The following COBL variants were observed in gnomAD, a reference collection of about 807,000 sequenced individuals.
COBL encodes protein cordon-bleu.
Under a neutral mutation model 98.8 loss-of-function variants are expected in COBL, and 51 were observed. The observed-to-expected ratio is 0.52, with a 90% CI of 0.41 to 0.65. The LOEUF is 0.65. COBL is among the 30% of genes least tolerant of loss of function. The pLI is 0.00. For synonymous variants in COBL, 634 were observed against 651.7 expected (o/e 0.97, Z 0.41); for missense variants, 1,617 against 1,617.5 (o/e 1.00, Z 0.01).
At chr7:51,184,262 T>TA (rs1789270423) in intron 4 of COBL, 63 bp from the exon 5 acceptor site, 7 of 886,870 alleles carry the variant, frequency 7.9e-6, no homozygotes, top group African/African-American at 1.7e-5. Flanking sequence ...ATACTTTACT[T>TA]AAAAAATCTT....
At chr7:51,065,347 C>T (rs1037138315) in intron 7 of COBL, 16 of 703,484 alleles carry the variant, frequency 2.3e-5, no homozygotes, top group Admixed American at 1.0e-4. Context: ...TAGAGAACTG[C>T]GGCCCTCACT....
chr7:51,051,721 C>A (rs1045503371), intron 7 of COBL, among the ~76,000 whole-genome samples: 15 of 152,172 alleles, frequency 9.9e-5, no homozygotes, highest in Non-Finnish European at 2.2e-4. Flanking sequence ...GGGTGCGGTG[C>A]ATGAACCAGG....
At chr7:51,274,096 A>G (rs1390358731) in intron 1 of COBL, among the ~76,000 whole-genome samples, 1 of 152,130 alleles carries the variant, frequency 6.6e-6, no homozygotes, top group African/African-American at 2.4e-5. Flanking sequence ...CCATGCCTTA[A>G]GTGAGGCCCT....
intron 5 of COBL, among the ~76,000 whole-genome samples, chr7:51,172,894 T>C (rs909700679): frequency 6.6e-6 from 1 of 152,106 alleles, no homozygotes; most frequent in Non-Finnish European, 1.5e-5. Flanking sequence ...GTTTGAGTGA[T>C]TCTCCTGCCT....
At chr7:51,090,380 A>G (rs982520068) in intron 6 of COBL, among the ~76,000 whole-genome samples, 2 of 152,238 alleles carry the variant, frequency 1.3e-5, no homozygotes, top group African/African-American at 4.8e-5. Flanking sequence ...TTTCACCTCA[A>G]CTGTGACAGC....
intron 5 of COBL, among the ~76,000 whole-genome samples, chr7:51,174,716 C>T (rs1788201466): frequency 6.6e-6 from 1 of 152,172 alleles, no homozygotes; most frequent in Non-Finnish European, 1.5e-5. Flanking sequence ...AAACCAGTGA[C>T]AATTCCTGTG....
chr7:51,150,645 C>A (rs183031517), intron 5 of COBL, among the ~76,000 whole-genome samples: 3 of 152,284 alleles, frequency 2.0e-5, no homozygotes, highest in Admixed American at 1.3e-4. Context: ...TTCTTTCAGC[C>A]TACAGCAATG....
intron 1 of COBL, among the ~76,000 whole-genome samples, chr7:51,297,781 G>A (rs935589427): frequency 6.6e-6 from 1 of 152,158 alleles, no homozygotes; most frequent in African/African-American, 2.4e-5. Context: ...CCAACCATCA[G>A]AAAGGTTTGT....
intron 6 of COBL, among the ~76,000 whole-genome samples, chr7:51,116,192 T>C (rs1273029397): frequency 6.6e-6 from 1 of 152,146 alleles, no homozygotes; most frequent in East Asian, 1.9e-4. Context: ...TTTAATGTAA[T>C]TATTGATATG....
At chr7:51,228,903 G>C (rs1320172463) in intron 1 of COBL, among the ~76,000 whole-genome samples, 3 of 151,906 alleles carry the variant, frequency 2.0e-5, no homozygotes, top group Non-Finnish European at 2.9e-5. Flanking sequence ...ATAGAAAAAG[G>C]ATATCTCCTT....
chr7:51,279,680 G>A (rs1272541743), intron 1 of COBL, among the ~76,000 whole-genome samples: 6 of 152,152 alleles, frequency 3.9e-5, no homozygotes, highest in Admixed American at 6.5e-5. Context: ...CTGTGGTGTC[G>A]CACATTCTGT....
At chr7:51,023,238 C>T (rs2240086) in intron 12 of COBL, among the ~76,000 whole-genome samples, 31,824 of 152,084 alleles carry the variant, frequency 0.21, 3,428 homozygotes, top group East Asian at 0.3. Flanking sequence ...CATAAGTACA[C>T]ACATTCATCA....
intron 4 of COBL, among the ~76,000 whole-genome samples, chr7:51,186,581 A>T (rs1251518999): frequency 2.0e-5 from 3 of 152,198 alleles, no homozygotes; most frequent in African/African-American, 7.2e-5. Context: ...CGGCTCCCTG[A>T]CGAAGGGTCC....
intron 7 of COBL, among the ~76,000 whole-genome samples, chr7:51,083,547 A>C (rs1411368366): frequency 6.6e-6 from 1 of 152,074 alleles, no homozygotes; most frequent in African/African-American, 2.4e-5. Context: ...ATTCTTCAAC[A>C]CCCTCGACAG....
At chr7:51,069,309 G>GT (rs1472625818) in intron 7 of COBL, among the ~76,000 whole-genome samples, 2 of 152,252 alleles carry the variant, frequency 1.3e-5, no homozygotes, top group African/African-American at 4.8e-5. Flanking sequence ...CAGCAACTCT[G>GT]TAAGTTTGTG....
At chr7:51,062,644 A>T (rs912789989) in intron 7 of COBL, among the ~76,000 whole-genome samples, 2 of 152,190 alleles carry the variant, frequency 1.3e-5, no homozygotes, top group African/African-American at 4.8e-5. Flanking sequence ...CATTGCATGG[A>T]AACGTGGGCG....
At chr7:51,263,310 A>G (rs548457098) in intron 1 of COBL, among the ~76,000 whole-genome samples, 107 of 152,246 alleles carry the variant, frequency 7.0e-4, no homozygotes, top group Admixed American at 3.4e-3. Context: ...GAGGTCTCAC[A>G]CTCATGCACT....
intron 7 of COBL, among the ~76,000 whole-genome samples, chr7:51,054,941 C>T (rs769804550): frequency 6.6e-5 from 10 of 152,298 alleles, no homozygotes; most frequent in Middle Eastern, 3.4e-3. Flanking sequence ...GAAGGTGGTC[C>T]GCTATCCAGG....
chr7:51,026,660 T>G lies in COBL; in HGVS notation c.3390A>C (p.Ala1130=). 6.2e-7 allele frequency: 1 copy of G among 1,613,840 alleles called. No individual in the cohort carries two copies. Among genetic ancestry groups the G allele is most frequent in the Non-Finnish European group, 8.5e-7 (1 of 1,179,884 alleles). The change falls in exon 11 of 13, where the codon GCA becomes GCC. Residue 1130 remains alanine, a synonymous_variant. Coordinates refer to ENST00000265136, the MANE Select transcript of COBL (RefSeq NM_015198.5). ...AGGKDRLRKT[A]EHTGEGRPAK... ...CTGGCCTGCCCTCCCCGGTGTGTTC[T>G]GCCGTCTAGAATATTAACAGTGTCA...
Sources: gnomAD v4.1 joint callset for allele counts (sites outside exome capture counted in the v4.1 genomes callset) on GRCh38, gnomAD v4.1.1 for gene constraint, MANE v1.5 for transcripts, NCBI Gene and HGNC (gene_info 2026-07-23, HGNC 2026-07-21) for gene names.